The following FAM184B variants were observed in gnomAD, a reference collection of about 807,000 sequenced individuals.
FAM184B encodes family with sequence similarity 184 member B.
FAM184B carries 111 observed loss-of-function variants against 135.9 expected under a neutral mutation model. That is an observed-to-expected ratio of 0.82 (90% confidence interval 0.70 to 0.96). FAM184B has a LOEUF of 0.96. Among genes scored for constraint, FAM184B ranks in the 40% least tolerant of loss-of-function variants. The pLI is 0.00. For synonymous variants in FAM184B, 552 were observed against 524.8 expected (o/e 1.05, Z -0.71); for missense variants, 1,375 against 1,323.9 (o/e 1.04, Z -0.60).
intron 1 of FAM184B, among the ~76,000 whole-genome samples, chr4:17,727,178 A>G (rs1280409192): frequency 1.3e-5 from 2 of 152,210 alleles, no homozygotes; most frequent in Non-Finnish European, 2.9e-5. Context: ...AGGAGACAGA[A>G]CAAAAGATTA....
chr4:17,676,163 T>A (rs1391435463), intron 7 of FAM184B, among the ~76,000 whole-genome samples: 3 of 152,206 alleles, frequency 2.0e-5, no homozygotes, highest in African/African-American at 7.2e-5. Flanking sequence ...GCAACTCTTC[T>A]TTTCACATGA....
At chr4:17,765,734 G>C (rs1331411295) in intron 1 of FAM184B, among the ~76,000 whole-genome samples, 2 of 152,168 alleles carry the variant, frequency 1.3e-5, no homozygotes, top group Non-Finnish European at 2.9e-5. Flanking sequence ...TGGGTTCTTG[G>C]TCTCACTGAC....
At chr4:17,757,968 C>G (rs951863566) in intron 1 of FAM184B, among the ~76,000 whole-genome samples, 2 of 152,146 alleles carry the variant, frequency 1.3e-5, no homozygotes, top group Non-Finnish European at 2.9e-5. Context: ...CTTGAAGGAC[C>G]ATTACAAATA....
chr4:17,724,290 A>G lies in FAM184B; in HGVS notation c.142-14646T>C, dbSNP rs376025440. Reference sequence around the variant, plus strand: ...TTTTTATGCATTCTCTAATTTTTCTATGATGCACATGGCACTTCATTTATC... The same window carrying G: ...TTTTTATGCATTCTCTAATTTTTCTGTGATGCACATGGCACTTCATTTATC... On this transcript the variant is annotated intron_variant, in intron 1 of 17. Transcript: ENST00000265018. Among the ~76,000 whole-genome samples the G allele has an allele frequency of 1.1e-4, 17 of 152,248 alleles. 1 individual carries two copies. In the East Asian group the frequency reaches 1.4e-3, roughly 12 times the overall value.
At chr4:17,660,842 G>A (rs1183301423) in intron 8 of FAM184B, among the ~76,000 whole-genome samples, 1 of 152,066 alleles carries the variant, frequency 6.6e-6, no homozygotes, top group East Asian at 1.9e-4. Context: ...GTGATGAGCA[G>A]CATCTTCTTC....
chr4:17,753,311 C>A (rs554164203), intron 1 of FAM184B, among the ~76,000 whole-genome samples: 104 of 152,242 alleles, frequency 6.8e-4, no homozygotes, highest in African/African-American at 2.4e-3. Flanking sequence ...TGAAGGATCT[C>A]AAAAATGTTT....
chr4:17,638,179 TTTTTTGTTTTG>T (rs1715204777), intron 14 of FAM184B, among the ~76,000 whole-genome samples: 1 of 148,996 alleles, frequency 6.7e-6, no homozygotes, highest in African/African-American at 2.5e-5. Context: ...AGGGTCTATT[TTTTTTGTTTTG>T]TTTTGTTTTG....
At position 17,711,485 on chromosome 4, in the gene FAM184B, AT is replaced by A. The variant is rs201748608; in HGVS notation, c.142-1842del. ...ACAGCAAGACTCAGTCTCAAAAAAAATAAAACAAAAACAAAAACAAAAAATG... is the reference window on the plus strand; with the variant it reads ...ACAGCAAGACTCAGTCTCAAAAAAAAAAAACAAAAACAAAAACAAAAAATG... On this transcript the variant is annotated intron_variant, in intron 1 of 17. Coordinates refer to ENST00000265018, the MANE Select transcript of FAM184B (RefSeq NM_015688.2). 9.5e-3 allele frequency among the ~76,000 whole-genome samples: 1,443 copies of A among 152,036 alleles called. 5 individuals are homozygous for A. The highest frequency in any genetic ancestry group is 0.034 in the Middle Eastern group (10 of 292).
chr4:17,648,896 C>T (rs765649712), intron 11 of FAM184B, among the ~76,000 whole-genome samples: 4 of 152,066 alleles, frequency 2.6e-5, no homozygotes, highest in South Asian at 2.1e-4. Context: ...AGACACTTCC[C>T]GGCATGATTG....
chr4:17,726,238 C>G (rs1291040363), intron 1 of FAM184B, among the ~76,000 whole-genome samples: 1 of 151,946 alleles, frequency 6.6e-6, no homozygotes, highest in Admixed American at 6.6e-5. Flanking sequence ...AATCAAAACT[C>G]TTCTATATAC....
At chr4:17,666,905 A>G (rs542046864) in intron 7 of FAM184B, among the ~76,000 whole-genome samples, 1 of 151,170 alleles carries the variant, frequency 6.6e-6, no homozygotes, top group South Asian at 2.1e-4. Context: ...TAGCAGGGGG[A>G]CCACTCTCTC....
intron 16 of FAM184B, among the ~76,000 whole-genome samples, chr4:17,634,755 C>G (rs771184188): frequency 2.0e-5 from 3 of 152,188 alleles, no homozygotes; most frequent in Non-Finnish European, 4.4e-5. Flanking sequence ...ACTCTTCTCC[C>G]TCCCATCACC....
At chr4:17,657,997 T>C (rs187394222) in intron 10 of FAM184B, among the ~76,000 whole-genome samples, 13 of 152,270 alleles carry the variant, frequency 8.5e-5, no homozygotes, top group South Asian at 2.1e-4. Context: ...CTCTTCGTTT[T>C]TAGCTGCAGG....
At chr4:17,778,325 A>G (rs1328603501) in intron 1 of FAM184B, among the ~76,000 whole-genome samples, 1 of 152,172 alleles carries the variant, frequency 6.6e-6, no homozygotes, top group Admixed American at 6.5e-5. Flanking sequence ...TGTTCACTAG[A>G]ATTTTATATC....
chr4:17,779,686 T>A (rs1718997454), intron 1 of FAM184B, among the ~76,000 whole-genome samples: 1 of 152,194 alleles, frequency 6.6e-6, no homozygotes, highest in Admixed American at 6.5e-5. Context: ...AATTCAAGGA[T>A]CATCTCTTCC....
intron 1 of FAM184B, among the ~76,000 whole-genome samples, chr4:17,767,111 G>C (rs761411891): frequency 1.1e-4 from 17 of 152,140 alleles, no homozygotes; most frequent in Non-Finnish European, 2.2e-4. Context: ...GTGCGGGGCC[G>C]CCGAGCCAAC....
At chr4:17,689,338 G>T (rs2108956701) in intron 6 of FAM184B, among the ~76,000 whole-genome samples, 1 of 152,278 alleles carries the variant, frequency 6.6e-6, no homozygotes. Context: ...CCTAGACTTT[G>T]AGGAGAATGA....
chr4:17,664,756 A>G (rs2108944712), intron 7 of FAM184B, 97 bp from the exon 8 acceptor site: 1 of 1,049,134 alleles, frequency 9.5e-7, no homozygotes, highest in East Asian at 2.6e-5. Flanking sequence ...ATCAGAGAGC[A>G]GAGAAGAGGG....
Position 17,639,150 on chromosome 4 carries a change from A to G in FAM184B, c.2666+100T>C, listed in dbSNP as rs74381442. The G allele has an allele frequency of 4.2e-3, 5,432 of 1,281,804 alleles. 97 individuals carry two copies. The East Asian group carries it at 0.057, about 13-fold the overall frequency. The allele number at this position is 1,281,804 out of a possible 1,614,324, so 79.4% of individuals were successfully genotyped here. On this transcript the variant is annotated intron_variant, in intron 14 of 17. Transcript: ENST00000265018. ...GCCTGGCCAGAACCCAGGACTTTCA[A>G]TTTGAAAACCAGGAAATCCCAGGGT...
Sources: gnomAD v4.1 joint callset for allele counts (sites outside exome capture counted in the v4.1 genomes callset) on GRCh38, gnomAD v4.1.1 for gene constraint, MANE v1.5 for transcripts, NCBI Gene and HGNC (gene_info 2026-07-23, HGNC 2026-07-21) for gene names.